Variants in APBB2 observed in about 807,000 individuals in gnomAD.
APBB2 encodes the protein Fe65-like 1.
A neutral mutation model predicts 82.5 loss-of-function variants in APBB2; 38 were observed. The observed-to-expected ratio is 0.46, with a 90% CI of 0.36 to 0.60. The LOEUF is 0.60. Among genes scored for constraint, APBB2 ranks in the 20% least tolerant of loss-of-function variants. The pLI is 0.00. For synonymous variants in APBB2, 341 were observed against 368.2 expected (o/e 0.93, Z 0.85); for missense variants, 772 against 972.3 (o/e 0.79, Z 2.74).
At chr4:41,135,993 G>T (rs780287480) in intron 2 of APBB2, among the ~76,000 whole-genome samples, 2 of 152,102 alleles carry the variant, frequency 1.3e-5, no homozygotes, top group Non-Finnish European at 2.9e-5. Flanking sequence ...CTTCATTCTG[G>T]TGTTGACTCA....
chr4:41,019,217 A>G (rs1393713590), intron 5 of APBB2, among the ~76,000 whole-genome samples: 1 of 152,194 alleles, frequency 6.6e-6, no homozygotes, highest in Non-Finnish European at 1.5e-5. Context: ...TGAGATTCTT[A>G]GTTATGGTTT....
At chr4:40,886,018 C>A (rs1379606456) in intron 12 of APBB2, among the ~76,000 whole-genome samples, 1 of 152,128 alleles carries the variant, frequency 6.6e-6, no homozygotes, top group Non-Finnish European at 1.5e-5. Flanking sequence ...GGTCTGAAAC[C>A]CTCTGACAAT....
intron 6 of APBB2, among the ~76,000 whole-genome samples, chr4:41,005,143 A>T (rs936378066): frequency 9.9e-5 from 15 of 151,940 alleles, no homozygotes; most frequent in Admixed American, 6.6e-4. Context: ...CCAGGCTGGA[A>T]TGCAGTGGGC....
At chr4:41,049,251 G>T (rs1190419157) in intron 4 of APBB2, among the ~76,000 whole-genome samples, 1 of 147,712 alleles carries the variant, frequency 6.8e-6, no homozygotes, top group East Asian at 2.0e-4. Context: ...CCGTCTGGGA[G>T]GTGAGGAGCG....
intron 1 of APBB2, among the ~76,000 whole-genome samples, chr4:41,209,794 A>T (rs1364180811): frequency 6.6e-6 from 1 of 152,228 alleles, no homozygotes; most frequent in Non-Finnish European, 1.5e-5. Flanking sequence ...TTTTATAACA[A>T]ATGAAAACTA....
chr4:41,163,139 C>A (rs1288772664), intron 1 of APBB2, among the ~76,000 whole-genome samples: 2 of 152,174 alleles, frequency 1.3e-5, no homozygotes, highest in African/African-American at 4.8e-5. Context: ...TGCAATGTGA[C>A]ATAGAGGACA....
intron 6 of APBB2, among the ~76,000 whole-genome samples, chr4:40,963,834 C>T (rs966542596): frequency 1.3e-5 from 2 of 152,160 alleles, no homozygotes; most frequent in African/African-American, 2.4e-5. Flanking sequence ...GAAAACACTG[C>T]GTGTCTTCCT....
intron 4 of APBB2, among the ~76,000 whole-genome samples, chr4:41,050,914 T>G (rs1725691093): frequency 6.6e-6 from 1 of 151,646 alleles, no homozygotes; most frequent in Non-Finnish European, 1.5e-5. Flanking sequence ...AAGACATACC[T>G]GGCCAGGGTC....
chr4:41,019,779 G>C (rs1810971026), intron 5 of APBB2, among the ~76,000 whole-genome samples: 2 of 152,198 alleles, frequency 1.3e-5, no homozygotes, highest in Admixed American at 6.5e-5. Context: ...GGAGGTGGCA[G>C]TCTTCCACTG....
At chr4:41,084,185 A>G (rs1312970649) in intron 3 of APBB2, among the ~76,000 whole-genome samples, 1 of 152,150 alleles carries the variant, frequency 6.6e-6, no homozygotes, top group Non-Finnish European at 1.5e-5. Flanking sequence ...AACACTTCAG[A>G]AGGCCGAGAC....
Position 41,011,411 on chromosome 4 carries a change from C to T in APBB2, c.835+2172G>A, listed in dbSNP as rs150251333. 1.8e-3 allele frequency among the ~76,000 whole-genome samples: 265 copies of T among 151,060 alleles called. 1 individual carries two copies. The highest frequency in any genetic ancestry group is 6.3e-3 in the African/African-American group (257 of 41,076). On this transcript the variant is annotated intron_variant, in intron 6 of 17. Coordinates refer to ENST00000508593, the MANE Select transcript of APBB2 (RefSeq NM_004307.2). ...GGTCAGGCTGGCCTTGAACTCCTGA[C>T]CTGGTGATCCACTGCGCCTGGCCTA...
rs200636926 is a variant in APBB2 at position 41,074,594 on chromosome 4, A to ATAT, written c.-148-8924_-148-8922dup. The stretch of plus-strand genomic sequence containing the variant: ...TATTAATTCTACCATATGAAGGCAA[A>ATAT]TATTATTATTATTATTTTTTTTTTT... On this transcript the variant is annotated intron_variant, in intron 3 of 17. Transcript: ENST00000508593. Among the ~76,000 whole-genome samples the ATAT allele has an allele frequency of 3.5e-3, 493 of 140,356 alleles. 46 individuals carry two copies. Among genetic ancestry groups the ATAT allele is most frequent in the African/African-American group, 4.6e-3 (179 of 38,524 alleles). The allele number at this position is 140,356 out of a possible 152,430, so 92.1% of individuals were successfully genotyped here.
intron 1 of APBB2, among the ~76,000 whole-genome samples, chr4:41,163,177 G>A (rs1404723986): frequency 6.6e-6 from 1 of 152,234 alleles, no homozygotes; most frequent in Non-Finnish European, 1.5e-5. Flanking sequence ...AGGCAGGGAT[G>A]ATTCCGGCAG....
chr4:41,159,961 GAGAAGAAGAAGAAGAAGAAGAAGAAGA>G lies in APBB2; in HGVS notation c.-416-16846_-416-16820del, dbSNP rs1161043741. On this transcript the variant is annotated intron_variant, in intron 1 of 17. Coordinates refer to ENST00000508593, the MANE Select transcript of APBB2 (RefSeq NM_004307.2). ...GGAGGAGGAGAAGGAGAAGGAGAAG[GAGAAGAAGAAGAAGAAGAAGAAGAAGA>G]AGAAGAAGAAGAAGAAGAAGAAGAA... 1.0e-3 allele frequency among the ~76,000 whole-genome samples: 33 copies of G among 31,988 alleles called. 1 individual carries two copies. The highest frequency in any genetic ancestry group is 1.3e-3 in the Non-Finnish European group (21 of 15,886). 21.0% of individuals were successfully genotyped at this position (31,988 alleles called of 152,430 possible).
intron 2 of APBB2, among the ~76,000 whole-genome samples, chr4:41,131,859 G>A (rs545541022): frequency 2.0e-5 from 3 of 152,070 alleles, no homozygotes; most frequent in African/African-American, 7.2e-5. Flanking sequence ...GGGCAACATG[G>A]CAAAACCCTG....
intron 2 of APBB2, among the ~76,000 whole-genome samples, chr4:41,134,178 T>C (rs967804391): frequency 2.0e-5 from 3 of 152,074 alleles, no homozygotes; most frequent in African/African-American, 7.2e-5. Flanking sequence ...AGATAGGTTG[T>C]CCTATGTTAT....
intron 11 of APBB2, 107 bp downstream of exon 11, chr4:40,893,158 T>C: frequency 1.5e-6 from 2 of 1,372,410 alleles, no homozygotes; most frequent in Admixed American, 2.3e-5. Flanking sequence ...AGGCACCTGA[T>C]GAACACCTCG....
At chr4:40,910,212 C>A (rs1018101779) in intron 10 of APBB2, among the ~76,000 whole-genome samples, 1 of 151,606 alleles carries the variant, frequency 6.6e-6, no homozygotes, top group African/African-American at 2.4e-5. Flanking sequence ...AGGTGATCCG[C>A]CGCCTCGGCC....
At chr4:40,852,680 A>T (rs1759865314) in intron 12 of APBB2, among the ~76,000 whole-genome samples, 1 of 151,604 alleles carries the variant, frequency 6.6e-6, no homozygotes, top group East Asian at 1.9e-4. Flanking sequence ...TTTCTCTGTC[A>T]CCCAGGCTGG....
Sources: gnomAD v4.1 joint callset for allele counts (sites outside exome capture counted in the v4.1 genomes callset) on GRCh38, gnomAD v4.1.1 for gene constraint, MANE v1.5 for transcripts, NCBI Gene and HGNC (gene_info 2026-07-23, HGNC 2026-07-21) for gene names.